C10orf90: variants seen among roughly 807,000 people sequenced by gnomAD.
C10orf90 encodes (E2-independent) E3 ubiquitin-conjugating enzyme FATS.
A neutral mutation model predicts 62.5 loss-of-function variants in C10orf90; 56 were observed. The observed-to-expected ratio is 0.90, with a 90% confidence interval of 0.72 to 1.12. The LOEUF (loss-of-function observed/expected upper bound fraction) is 1.12. Among genes scored for constraint, C10orf90 ranks in the 50% most tolerant of loss-of-function variants. C10orf90 has a pLI of 0.00. For missense variants in C10orf90, 970 were observed against 880.4 expected (o/e 1.10, Z -1.29); for synonymous variants, 386 against 340.4 (o/e 1.13, Z -1.47).
chr10:126,577,775 T>C (rs1844656784), intron 2 of C10orf90, among the ~76,000 whole-genome samples: 1 of 152,042 alleles, frequency 6.6e-6, no homozygotes, highest in African/African-American at 2.4e-5. Context: ...ATTAAGACAG[T>C]GTAATACTAA....
At chr10:126,436,721 G>A (rs577770031) in intron 7 of C10orf90, among the ~76,000 whole-genome samples, 9 of 152,244 alleles carry the variant, frequency 5.9e-5, no homozygotes, top group Non-Finnish European at 1.2e-4. Context: ...GAGTACAGTG[G>A]CACAATCATG....
At chr10:126,651,069 T>C (rs1457295992) in intron 1 of C10orf90, among the ~76,000 whole-genome samples, 2 of 152,234 alleles carry the variant, frequency 1.3e-5, no homozygotes, top group African/African-American at 2.4e-5. Flanking sequence ...GGTGTAATAA[T>C]AGTAGAACCT....
At chr10:126,505,106 C>A in intron 3 of C10orf90, 21 bp from the exon 4 acceptor site, 2 of 1,585,616 alleles carry the variant, frequency 1.3e-6, no homozygotes, top group Non-Finnish European at 1.7e-6. Flanking sequence ...AAAAAGATCC[C>A]GATTATTCAA....
At position 126,510,851 on chromosome 10, in the gene C10orf90, T is replaced by C. The variant is rs548032822; in HGVS notation, c.405+2997A>G. Among the ~76,000 whole-genome samples the C allele has an allele frequency of 3.3e-5, 5 of 152,368 alleles. No homozygotes were observed. The South Asian group carries it at 1.0e-3, about 32-fold the overall frequency. ...TAAATTGAAGCCAGAAAGAGTCAAGTAGCAGATGATCAGAGGAATCGGCTC... is the reference window on the plus strand; with the variant it reads ...TAAATTGAAGCCAGAAAGAGTCAAGCAGCAGATGATCAGAGGAATCGGCTC... On this transcript the variant is annotated intron_variant, in intron 3 of 9. Transcript: ENST00000488181.
Position 126,515,151 on chromosome 10 carries a change from T to G in C10orf90, c.314-1212A>C, listed in dbSNP as rs139617373. Among the ~76,000 whole-genome samples, 152 of 152,354 alleles carry G rather than the reference T, an allele frequency of 1.0e-3. 1 individual carries two copies. Among genetic ancestry groups the G allele is most frequent in the African/African-American group, 3.4e-3 (143 of 41,586 alleles). On this transcript the variant is annotated intron_variant, in intron 2 of 9. Coordinates refer to ENST00000488181, the MANE Select transcript of C10orf90 (RefSeq NM_001350921.2). Reference sequence around the variant, plus strand: ...CAATGAAGGACTGCATATATGACAGTGGTCCAATAAGATTATAATGGAGCT... The same window carrying G: ...CAATGAAGGACTGCATATATGACAGGGGTCCAATAAGATTATAATGGAGCT...
At chr10:126,576,687 AT>A (rs1844621798) in intron 2 of C10orf90, among the ~76,000 whole-genome samples, 13 of 28,806 alleles carry the variant, frequency 4.5e-4, no homozygotes, top group African/African-American at 1.4e-3. Flanking sequence ...ACATATACAT[AT>A]ACATGTATAT....
At chr10:126,574,273 C>T (rs1844567263) in intron 2 of C10orf90, among the ~76,000 whole-genome samples, 1 of 151,800 alleles carries the variant, frequency 6.6e-6, no homozygotes, top group Admixed American at 6.6e-5. Context: ...GTATGTGAGA[C>T]AAAAGATAAA....
chr10:126,581,875 AAGG>A (rs1166268757), intron 2 of C10orf90, among the ~76,000 whole-genome samples: 1 of 152,140 alleles, frequency 6.6e-6, no homozygotes, highest in Admixed American at 6.5e-5. Flanking sequence ...GGTGCTGTGG[AAGG>A]AGACCTGGGG....
At chr10:126,514,028 T>G in intron 2 of C10orf90, 89 bp from the exon 3 acceptor site, 1 of 875,904 alleles carries the variant, frequency 1.1e-6, no homozygotes, top group Non-Finnish European at 1.8e-6. Flanking sequence ...TAATGTCACC[T>G]ACTCACATAT....
intron 4 of C10orf90, among the ~76,000 whole-genome samples, chr10:126,500,743 T>G (rs1033965998): frequency 1.3e-5 from 2 of 152,208 alleles, no homozygotes; most frequent in African/African-American, 4.8e-5. Context: ...ATTGGAATGC[T>G]ATGTCTCAGT....
Position 126,456,867 on chromosome 10 carries a change from C to T in C10orf90, c.2188+2173G>A, listed in dbSNP as rs1859618789. Among the ~76,000 whole-genome samples the T allele has an allele frequency of 6.6e-6, 1 of 152,204 alleles. No individual in the cohort carries two copies. The highest frequency in any genetic ancestry group is 1.5e-5 in the Non-Finnish European group (1 of 68,040). ...CAGGAGCAGGGAGGGAGGCTGGACA[C>T]GGGATTGACCACTGAGCCTCTAGAA... On this transcript the variant is annotated intron_variant, in intron 7 of 9. Coordinates refer to ENST00000488181, the MANE Select transcript of C10orf90 (RefSeq NM_001350921.2). The surrounding 1 kb of genome is among the most constrained non-coding windows in gnomAD (Gnocchi z 4.9).
rs114052558 is a variant in C10orf90, at chr10:126,664,764, G to A, written c.240+5477C>T. ...CTCATTAAATACTGTCCATTGTAGC[G>A]AGATTGGAGACCTCACTCACCAGAT... is the stretch of plus-strand genomic sequence containing the variant. On this transcript the variant is annotated intron_variant, in intron 1 of 9. Transcript: ENST00000488181. Among the ~76,000 whole-genome samples the A allele has an allele frequency of 4.7e-3, 713 of 152,274 alleles. 6 individuals are homozygous for A. The highest frequency in any genetic ancestry group is 0.017 in the African/African-American group (689 of 41,552).
chr10:126,549,411 A>T (rs1371738537), intron 2 of C10orf90, among the ~76,000 whole-genome samples: 1 of 152,246 alleles, frequency 6.6e-6, no homozygotes, highest in Non-Finnish European at 1.5e-5. Flanking sequence ...ATATGAAAAG[A>T]TGTCCAGCCT....
intron 8 of C10orf90, among the ~76,000 whole-genome samples, chr10:126,429,420 T>G (rs994927713): frequency 6.6e-6 from 1 of 152,188 alleles, no homozygotes; most frequent in Non-Finnish European, 1.5e-5. Context: ...GGAGAAATAG[T>G]TTCTCTCCTC....
chr10:126,485,333 T>C (rs1861371648), intron 4 of C10orf90, among the ~76,000 whole-genome samples: 1 of 152,194 alleles, frequency 6.6e-6, no homozygotes, highest in African/African-American at 2.4e-5. Flanking sequence ...AGCCATCATG[T>C]CTATGGCACT....
In C10orf90 at chr10:126,504,175, C is replaced by T; in HGVS notation, c.1316G>A (p.Ser439Asn). The T allele has an allele frequency of 2.5e-6, 4 of 1,614,158 alleles. No homozygotes were observed. Among genetic ancestry groups the T allele is most frequent in the Non-Finnish European group, 3.4e-6 (4 of 1,180,028 alleles). Residue 439 changes from serine (S) to asparagine (N), a missense_variant, in exon 4 of 10, where the codon AGT (serine) becomes AAT (asparagine). Ser to Asn is a conservative substitution (Grantham distance 46). Coordinates refer to ENST00000488181, the MANE Select transcript of C10orf90 (RefSeq NM_001350921.2). This position sits in a 1 kb window ranked among gnomAD's most constrained non-coding sequence, Gnocchi z 4.1. ...GQRWNPGLQE[S>N]HLKETPSLRR... Reference sequence around the variant, plus strand: ...CAACGATGGGGTTTCCTTCAAGTGACTTTCTTGTAAACCTGGGTTCCAGCG... The same window carrying T: ...CAACGATGGGGTTTCCTTCAAGTGATTTTCTTGTAAACCTGGGTTCCAGCG...
intron 2 of C10orf90, among the ~76,000 whole-genome samples, chr10:126,593,588 T>C (rs1845024282): frequency 6.6e-6 from 1 of 152,060 alleles, no homozygotes; most frequent in Non-Finnish European, 1.5e-5. Context: ...GAATAGCTAA[T>C]GGATGCTGGG....
At chr10:126,633,382 G>A (rs1845887973) in intron 2 of C10orf90, among the ~76,000 whole-genome samples, 1 of 152,250 alleles carries the variant, frequency 6.6e-6, no homozygotes, top group Non-Finnish European at 1.5e-5. Context: ...CCGCTGTGAA[G>A]TACAGGCCAG....
At chr10:126,557,313 C>CTA (rs1864798796) in intron 2 of C10orf90, among the ~76,000 whole-genome samples, 1 of 151,924 alleles carries the variant, frequency 6.6e-6, no homozygotes, top group Non-Finnish European at 1.5e-5. Context: ...AATCCCGTCT[C>CTA]TACTAAAAAT....
Sources: gnomAD v4.1 joint callset for allele counts (sites outside exome capture counted in the v4.1 genomes callset) on GRCh38, gnomAD v4.1.1 for gene constraint, Gnocchi (gnomAD v3.1) non-coding constraint, MANE v1.5 for transcripts, NCBI Gene and HGNC (gene_info 2026-07-23, HGNC 2026-07-21) for gene names.